The following ADAMTS8 variants were observed in gnomAD, a reference collection of about 807,000 sequenced individuals.
ADAMTS8 encodes A disintegrin and metalloproteinase with thrombospondin motifs 8.
In ADAMTS8, 50 loss-of-function variants were observed where a neutral mutation model predicts 64.4. That is an observed-to-expected ratio of 0.78 (90% CI 0.62 to 0.98). ADAMTS8 has a LOEUF of 0.98. Ranked by LOEUF, ADAMTS8 falls within the 50% of genes least tolerant of loss-of-function variation. The pLI is 0.00. For synonymous variants in ADAMTS8, 556 were observed against 533.6 expected (o/e 1.04, Z -0.58); for missense variants, 1,192 against 1,208.2 (o/e 0.99, Z 0.20).
intron 6 of ADAMTS8, among the ~76,000 whole-genome samples, chr11:130,410,685 T>C (rs1044764864): frequency 4.6e-5 from 7 of 152,200 alleles, no homozygotes; most frequent in Admixed American, 1.3e-4. Flanking sequence ...CACTGGGCAG[T>C]TGGATGGGAT....
intron 5 of ADAMTS8, among the ~76,000 whole-genome samples, chr11:130,413,403 C>G (rs1018442206): frequency 1.1e-4 from 16 of 152,136 alleles, no homozygotes; most frequent in Non-Finnish European, 1.6e-4. Context: ...ACAGAGCTTA[C>G]CTGGTGCAGG....
At position 130,405,261 on chromosome 11, in the gene ADAMTS8, G is replaced by T. The variant is rs1431009219; in HGVS notation, c.*297C>A. The stretch of plus-strand genomic sequence containing the variant: ...GCTAGTCCTTTGCAAACAGACTGAC[G>T]CTGAGTGTCCTGTCTGAGTCAATAA... On this transcript the variant is annotated 3_prime_UTR_variant, in exon 9 of 9. Coordinates refer to ENST00000257359, the MANE Select transcript of ADAMTS8 (RefSeq NM_007037.6). The T allele has an allele frequency of 5.1e-6, 6 of 1,178,908 alleles. No homozygotes were observed. In the South Asian group the frequency reaches 2.4e-4, roughly 48 times the overall value. The allele number at this position is 1,178,908 out of a possible 1,614,324, so 73.0% of individuals were successfully genotyped here.
Position 130,416,237 on chromosome 11 carries a change from A to T in ADAMTS8, c.1190T>A (p.Val397Asp). 1 of 1,591,686 alleles carries T rather than the reference A, an allele frequency of 6.3e-7. No individual in the cohort carries two copies. The highest frequency in any genetic ancestry group is 1.1e-5 in the South Asian group (1 of 87,282). The change falls in exon 4 of 9, where the codon GTC becomes GAC. Residue 397 changes from valine to aspartate, a missense_variant. Transcript: ENST00000257359. This position sits in a 1 kb window ranked among gnomAD's most constrained non-coding sequence, Gnocchi z 4.8. ...CCAGGGCAGCGTCTGGTTCAGGTGG[A>T]CGAACAGCGGTGCCATCACGTGGTG... is the stretch of plus-strand genomic sequence containing the variant. Reference protein sequence around the residue: ...GKHHVMAPLFVHLNQTLPWSP... With the variant: ...GKHHVMAPLFDHLNQTLPWSP...
At chr11:130,418,968 T>A in intron 2 of ADAMTS8, 85 bp downstream of exon 2, 2 of 1,583,660 alleles carry the variant, frequency 1.3e-6, no homozygotes, top group African/African-American at 1.3e-5. Flanking sequence ...ACGTTTCCCA[T>A]GTTTGGGCAG....
chr11:130,425,019 G>A (rs537409775), intron 1 of ADAMTS8, among the ~76,000 whole-genome samples: 29 of 152,232 alleles, frequency 1.9e-4, no homozygotes, highest in African/African-American at 2.6e-4. Flanking sequence ...GTTTTGCTGC[G>A]CTCTCCTGGT....
intron 8 of ADAMTS8, among the ~76,000 whole-genome samples, chr11:130,407,474 C>T (rs948030056): frequency 1.3e-5 from 2 of 152,076 alleles, no homozygotes; most frequent in Non-Finnish European, 2.9e-5. Context: ...GACAGACAGA[C>T]AGACAGACAG....
chr11:130,418,976 C>A, intron 2 of ADAMTS8, 77 bp downstream of exon 2: 1 of 1,590,642 alleles, frequency 6.3e-7, no homozygotes. Flanking sequence ...CATGTTTGGG[C>A]AGGCCTCGTG....
At chr11:130,410,899 G>C (rs1368917906) in intron 6 of ADAMTS8, among the ~76,000 whole-genome samples, 1 of 152,200 alleles carries the variant, frequency 6.6e-6, no homozygotes, top group Non-Finnish European at 1.5e-5. Flanking sequence ...TTCTCAGAAG[G>C]AATGTGAACA....
rs148785643 is a variant in ADAMTS8, at chr11:130,412,889, T to C, written c.1567-1289A>G. ...CTCTTTCTTTCTCACTTTCTTTCTT[T>C]CTTGAAAGTCTTGCTCTGTCGCCCA... is the stretch of plus-strand genomic sequence containing the variant. On this transcript the variant is annotated intron_variant, in intron 5 of 8. Transcript: ENST00000257359. Among the ~76,000 whole-genome samples the C allele has an allele frequency of 5.7e-4, 87 of 152,330 alleles. No homozygotes were observed. In the Middle Eastern group the frequency reaches 0.014, roughly 24 times the overall value.
In ADAMTS8 at chr11:130,405,921, G is replaced by T. The variant is rs267602781; in HGVS notation, c.2307C>A (p.Ser769=). The part of the protein sequence containing the change: ...VKGTILKYSG[S]IATLERLQSF... ...TCTGCAGGCGCTCCAGGGTGGCGAT[G>T]GAGCCGCTGTACTTCAGGATGGTCC... Residue 769 remains serine (S), a synonymous_variant, in exon 9 of 9, where the codon TCC becomes TCA. Coordinates refer to ENST00000257359, the MANE Select transcript of ADAMTS8 (RefSeq NM_007037.6). 1 of 1,613,986 alleles carries T rather than the reference G, an allele frequency of 6.2e-7. No individual in the cohort carries two copies. Among genetic ancestry groups the T allele is most frequent in the East Asian group, 2.2e-5 (1 of 44,894 alleles).
chr11:130,427,533 G>A (rs1437428844), intron 1 of ADAMTS8, 34 bp downstream of exon 1: 4 of 1,523,990 alleles, frequency 2.6e-6, no homozygotes, highest in South Asian at 1.2e-5. Context: ...GGGGGCCTCC[G>A]GGCACGGCGG....
intron 1 of ADAMTS8, 35 bp from the exon 2 acceptor site, chr11:130,419,327 G>T: frequency 6.2e-7 from 1 of 1,612,388 alleles, no homozygotes; most frequent in Non-Finnish European, 8.5e-7. Flanking sequence ...GCGGAGTGAA[G>T]GGTTAAGTCT....
At chr11:130,408,734 C>T in intron 7 of ADAMTS8, 34 bp downstream of exon 7, 1 of 1,613,266 alleles carries the variant, frequency 6.2e-7, no homozygotes, top group Non-Finnish European at 8.5e-7. Flanking sequence ...CCTTCCTCCC[C>T]ATCTCTGGAT....
Position 130,405,701 on chromosome 11 carries a change from C to G in ADAMTS8, c.2527G>C (p.Glu843Gln). ...HAQWVLGDWS[E>Q]CSSTCGAGWQ... ...CCGGCCCCGCAGGTGCTAGAGCACT[C>G]AGACCAGTCCCCCAGCACCCACTGT... Residue 843 changes from glutamate to glutamine, a missense_variant, in exon 9 of 9, where the codon GAG becomes CAG. By Grantham distance (29) the Glu-to-Gln change is conservative. Transcript: ENST00000257359. 6.2e-7 allele frequency: 1 copy of G among 1,614,128 alleles called. No individual in the cohort carries two copies. The highest frequency in any genetic ancestry group is 8.5e-7 in the Non-Finnish European group (1 of 1,179,980).
intron 1 of ADAMTS8, among the ~76,000 whole-genome samples, chr11:130,427,264 C>G (rs1862178663): frequency 6.6e-6 from 1 of 152,126 alleles, no homozygotes; most frequent in East Asian, 1.9e-4. Flanking sequence ...CGGGTCAGTG[C>G]GCCACGTGCC....
chr11:130,428,500 C>G lies in ADAMTS8; in HGVS notation c.-214G>C, dbSNP rs1010613616. ...CCCGCTCCTCCCGCGCCGCCGCCCC[C>G]GAGCCGAGCGCGAGCAGCTGGCCCC... On this transcript the variant is annotated 5_prime_UTR_variant, in exon 1 of 9. Coordinates refer to ENST00000257359, the MANE Select transcript of ADAMTS8 (RefSeq NM_007037.6). 42 of 964,140 alleles carry G rather than the reference C, an allele frequency of 4.4e-5. No individual in the cohort carries two copies. The African/African-American group carries it at 5.7e-4, about 13-fold the overall frequency. The allele number at this position is 964,140 out of a possible 1,614,324, so 59.7% of individuals were successfully genotyped here.
At chr11:130,417,104 G>C in intron 2 of ADAMTS8, 29 bp from the exon 3 acceptor site, 1 of 1,612,900 alleles carries the variant, frequency 6.2e-7, no homozygotes, top group South Asian at 1.1e-5. Flanking sequence ...GCAAGAGAGT[G>C]CATCAGTGTG....
chr11:130,411,647 C>CT lies in ADAMTS8; in HGVS notation c.1567-48dup, dbSNP rs369216891. On this transcript the variant is annotated intron_variant, in intron 5 of 8. Coordinates refer to ENST00000257359, the MANE Select transcript of ADAMTS8 (RefSeq NM_007037.6). This position sits in a 1 kb window ranked among gnomAD's most constrained non-coding sequence, Gnocchi z 4.2. The stretch of plus-strand genomic sequence containing the variant: ...TGAATGAGGAGCAAAGGCCAGGAGG[C>CT]TTCAGTATCTGTGTCACTGGGTGGC... 11 of 1,595,682 alleles carry CT rather than the reference C, an allele frequency of 6.9e-6. No individual in the cohort carries two copies. In the African/African-American group the frequency reaches 1.2e-4, roughly 18 times the overall value.
intron 6 of ADAMTS8, 115 bp from the exon 7 acceptor site, chr11:130,409,055 C>G (rs1861921585): frequency 3.4e-6 from 4 of 1,181,758 alleles, no homozygotes. Flanking sequence ...TGAACTCAAC[C>G]CAGGCGCCCA....
Sources: allele counts gnomAD v4.1 joint callset (sites outside exome capture counted in the v4.1 genomes callset), GRCh38; gene constraint gnomAD v4.1.1; non-coding constraint Gnocchi (gnomAD v3.1); transcripts MANE v1.5; gene names NCBI Gene and HGNC (gene_info 2026-07-23, HGNC 2026-07-21).